The following KIAA1958 variants were observed in gnomAD, a reference collection of about 807,000 sequenced individuals.
KIAA1958 encodes the protein uncharacterized protein KIAA1958.
KIAA1958 carries 14 observed loss-of-function variants against 47.2 expected under a neutral mutation model. The observed-to-expected ratio is 0.30, with a 90% CI of 0.20 to 0.46. KIAA1958 has a LOEUF of 0.46. Ranked by LOEUF, KIAA1958 falls within the 20% of genes least tolerant of loss-of-function variation. The pLI, the probability that KIAA1958 is intolerant of heterozygous loss-of-function variation, is 1.00. For missense variants in KIAA1958, 803 were observed against 909.2 expected (o/e 0.88, Z 1.50); for synonymous variants, 354 against 353.3 (o/e 1.00, Z -0.02).
At chr9:112,491,616 C>T (rs1833971953) in intron 1 of KIAA1958, among the ~76,000 whole-genome samples, 1 of 149,976 alleles carries the variant, frequency 6.7e-6, no homozygotes, top group South Asian at 2.1e-4. Flanking sequence ...TCCATTAAAA[C>T]CTACTGGAAA....
chr9:112,657,736 C>T (rs1837174109), intron 3 of KIAA1958, among the ~76,000 whole-genome samples: 2 of 152,136 alleles, frequency 1.3e-5, no homozygotes, highest in African/African-American at 4.8e-5. Context: ...GGCTGGTTTG[C>T]CCTTCATAGT....
chr9:112,598,853 GAT>G lies in KIAA1958; in HGVS notation c.1171+23603_1171+23604del, dbSNP rs1308772352. On this transcript the variant is annotated intron_variant, in intron 2 of 3. Coordinates refer to ENST00000337530, the MANE Select transcript of KIAA1958 (RefSeq NM_133465.4). ...TGACTTTGGGAGGCCTGGGTGGGAGGATCGCTTGATGCCAGGAGTTTGAGACC... is the reference window on the plus strand; with the variant it reads ...TGACTTTGGGAGGCCTGGGTGGGAGGCGCTTGATGCCAGGAGTTTGAGACC... Among the ~76,000 whole-genome samples the G allele has an allele frequency of 1.2e-3, 182 of 152,176 alleles. 5 individuals carry two copies. In the East Asian group the frequency reaches 0.034, roughly 28 times the overall value.
intron 2 of KIAA1958, among the ~76,000 whole-genome samples, chr9:112,594,581 A>G (rs776229309): frequency 5.9e-5 from 9 of 152,236 alleles, no homozygotes; most frequent in Non-Finnish European, 1.0e-4. Flanking sequence ...CAGCTGAATA[A>G]TATCCCTCAT....
At chr9:112,648,972 G>A (rs1480855255) in intron 3 of KIAA1958, among the ~76,000 whole-genome samples, 1 of 151,950 alleles carries the variant, frequency 6.6e-6, no homozygotes, top group Non-Finnish European at 1.5e-5. Context: ...AACTATATTT[G>A]ATAAGTTCAA....
chr9:112,582,723 A>G (rs79806844), intron 2 of KIAA1958: 6 of 128,604 alleles, frequency 4.7e-5, no homozygotes, highest in Non-Finnish European at 7.8e-5. Context: ...AATAGCCCTG[A>G]AAAAAAAAAA....
chr9:112,509,546 T>G (rs1446296304), intron 1 of KIAA1958, among the ~76,000 whole-genome samples: 1 of 152,162 alleles, frequency 6.6e-6, no homozygotes. Context: ...AGGAGCAAGA[T>G]GAGGACATTC....
chr9:112,605,368 G>A (rs1441583380), intron 2 of KIAA1958, among the ~76,000 whole-genome samples: 1 of 152,152 alleles, frequency 6.6e-6, no homozygotes, highest in Non-Finnish European at 1.5e-5. Context: ...ATGTTCTCCT[G>A]TTCCCTCTGC....
At chr9:112,550,743 C>T (rs78421732) in intron 1 of KIAA1958, among the ~76,000 whole-genome samples, 1 of 152,324 alleles carries the variant, frequency 6.6e-6, no homozygotes, top group East Asian at 1.9e-4. Context: ...GCTCACCCAA[C>T]CCAGGTGTCC....
At chr9:112,590,609 C>T (rs1014940454) in intron 2 of KIAA1958, among the ~76,000 whole-genome samples, 3 of 152,252 alleles carry the variant, frequency 2.0e-5, no homozygotes, top group Admixed American at 6.5e-5. Flanking sequence ...GCTTGGGCTC[C>T]CAAAGTGCTA....
At chr9:112,566,097 G>T (rs911024021) in intron 1 of KIAA1958, among the ~76,000 whole-genome samples, 1 of 151,940 alleles carries the variant, frequency 6.6e-6, no homozygotes, top group South Asian at 2.1e-4. Flanking sequence ...TAGAGACGGG[G>T]TTTCACCATG....
chr9:112,500,583 G>T (rs143185487), intron 1 of KIAA1958, among the ~76,000 whole-genome samples: 3 of 151,826 alleles, frequency 2.0e-5, no homozygotes, highest in Non-Finnish European at 4.4e-5. Flanking sequence ...AGCCACCGTG[G>T]TCAGCCTAGT....
intron 2 of KIAA1958, among the ~76,000 whole-genome samples, chr9:112,615,284 A>AT (rs1045968453): frequency 1.3e-5 from 2 of 151,756 alleles, no homozygotes; most frequent in Non-Finnish European, 2.9e-5. Flanking sequence ...GCCAGGCATG[A>AT]TGGCGGGTGC....
At chr9:112,502,820 G>A (rs1834166052) in intron 1 of KIAA1958, among the ~76,000 whole-genome samples, 1 of 152,208 alleles carries the variant, frequency 6.6e-6, no homozygotes, top group Non-Finnish European at 1.5e-5. Context: ...AAAGTTTGCT[G>A]ACCCCTGCAT....
intron 1 of KIAA1958, among the ~76,000 whole-genome samples, chr9:112,561,266 G>A (rs1039081212): frequency 2.6e-5 from 4 of 152,004 alleles, no homozygotes; most frequent in Admixed American, 1.3e-4. Context: ...GTGTTAGCCA[G>A]GATGGTCTCA....
At chr9:112,509,200 CTTTTTTT>C (rs67222850) in intron 1 of KIAA1958, among the ~76,000 whole-genome samples, 1 of 113,148 alleles carries the variant, frequency 8.8e-6, no homozygotes, top group Non-Finnish European at 1.8e-5. Context: ...CAGGCCCATT[CTTTTTTT>C]TTTTTTTTTT....
intron 1 of KIAA1958, among the ~76,000 whole-genome samples, chr9:112,572,389 G>A (rs1242600422): frequency 1.3e-5 from 2 of 152,158 alleles, no homozygotes; most frequent in Non-Finnish European, 2.9e-5. Context: ...AATGTCCCAA[G>A]AACAGGACCA....
chr9:112,621,345 C>A (rs937884880), intron 2 of KIAA1958, among the ~76,000 whole-genome samples: 6 of 152,172 alleles, frequency 3.9e-5, no homozygotes, highest in African/African-American at 1.4e-4. Context: ...AACTCTTAAA[C>A]TCTAATGTTT....
chr9:112,554,267 A>C (rs1381725413), intron 1 of KIAA1958, among the ~76,000 whole-genome samples: 3 of 152,190 alleles, frequency 2.0e-5, no homozygotes, highest in Non-Finnish European at 2.9e-5. Flanking sequence ...TGGGAGGCCG[A>C]GGCGGGCGGA....
intron 2 of KIAA1958, among the ~76,000 whole-genome samples, chr9:112,579,127 C>T (rs527812324): frequency 6.6e-6 from 1 of 151,890 alleles, no homozygotes; most frequent in Non-Finnish European, 1.5e-5. Context: ...ATTGGAAATA[C>T]ATTTCCCAAG....
Sources: allele counts gnomAD v4.1 joint callset (sites outside exome capture counted in the v4.1 genomes callset), GRCh38; gene constraint gnomAD v4.1.1; transcripts MANE v1.5; gene names NCBI Gene and HGNC (gene_info 2026-07-23, HGNC 2026-07-21).